Variants in CHRNA7 observed in about 807,000 individuals in gnomAD.
CHRNA7 encodes neuronal acetylcholine receptor subunit alpha-7.
In CHRNA7, 17 loss-of-function variants were observed where a neutral mutation model predicts 48.0. That is an observed-to-expected ratio of 0.35 (90% CI 0.24 to 0.53). The LOEUF (loss-of-function observed/expected upper bound fraction) is 0.53. Among genes scored for constraint, CHRNA7 ranks in the 20% least tolerant of loss-of-function variants. The pLI, the probability that CHRNA7 is intolerant of heterozygous loss-of-function variation, is 0.92. For synonymous variants in CHRNA7, 75 were observed against 242.3 expected (o/e 0.31, Z 6.41); for missense variants, 155 against 577.7 (o/e 0.27, Z 7.50).
intron 2 of CHRNA7, among the ~76,000 whole-genome samples, chr15:32,057,545 G>A (rs563019932): frequency 1.6e-4 from 24 of 151,954 alleles, no homozygotes; most frequent in Non-Finnish European, 3.4e-4. Context: ...AATATATTTC[G>A]GGTTTTGAAA....
At chr15:32,148,944 C>A (rs1030932513) in intron 4 of CHRNA7, among the ~76,000 whole-genome samples, 3 of 152,170 alleles carry the variant, frequency 2.0e-5, no homozygotes, top group Non-Finnish European at 2.9e-5. Flanking sequence ...CCTCCTCCTA[C>A]CCCCGCTAAG....
At chr15:32,101,928 C>G (rs1327822627) in intron 3 of CHRNA7, 1 of 152,032 alleles carries the variant, frequency 6.6e-6, no homozygotes, top group Non-Finnish European at 1.5e-5. Context: ...CAGTCAGTCT[C>G]TATTTTAAAT....
chr15:32,088,626 G>A (rs901455475), intron 2 of CHRNA7, among the ~76,000 whole-genome samples: 17 of 152,166 alleles, frequency 1.1e-4, no homozygotes, highest in South Asian at 6.2e-4. Context: ...TAGCCTATCC[G>A]ATAGGTATAT....
rs2051567997 is a variant in CHRNA7, at chr15:32,149,332, G to T, written c.351-4575G>T. ...CACAGGGCTGCCCAGCACTGGTGAG[G>T]GGGTCACTGTTGGCTGGCATCTGTC... On this transcript the variant is annotated intron_variant, in intron 4 of 9. Coordinates refer to ENST00000306901, the MANE Select transcript of CHRNA7 (RefSeq NM_000746.6). The surrounding 1 kb of genome is among the most constrained non-coding windows in gnomAD (Gnocchi z 4.6). 6.6e-6 allele frequency among the ~76,000 whole-genome samples: 1 copy of T among 152,150 alleles called. No homozygotes were observed. Among genetic ancestry groups the T allele is most frequent in the Admixed American group, 6.5e-5 (1 of 15,276 alleles).
intron 2 of CHRNA7, among the ~76,000 whole-genome samples, chr15:32,051,608 A>T (rs1566804733): frequency 6.6e-6 from 1 of 152,034 alleles, no homozygotes; most frequent in Non-Finnish European, 1.5e-5. Context: ...TTCCCGAGTG[A>T]GGCAATGCCT....
At chr15:32,044,329 G>A (rs1460842670) in intron 2 of CHRNA7, among the ~76,000 whole-genome samples, 2 of 149,012 alleles carry the variant, frequency 1.3e-5, no homozygotes, top group African/African-American at 4.9e-5. Flanking sequence ...CCAGGTTGGA[G>A]TGCAATGGCA....
intron 2 of CHRNA7, among the ~76,000 whole-genome samples, chr15:32,032,125 A>G (rs1206884961): frequency 6.6e-6 from 1 of 152,246 alleles, no homozygotes; most frequent in East Asian, 1.9e-4. Context: ...TAAAATTGCC[A>G]TCATACATTG....
chr15:32,053,847 G>T (rs1460055085), intron 2 of CHRNA7, among the ~76,000 whole-genome samples: 2 of 152,186 alleles, frequency 1.3e-5, no homozygotes, highest in South Asian at 2.1e-4. Flanking sequence ...CTGACTACTG[G>T]CTCTGCGTCA....
intron 2 of CHRNA7, among the ~76,000 whole-genome samples, chr15:32,050,800 A>G (rs901523290): frequency 7.2e-5 from 11 of 151,888 alleles, no homozygotes; most frequent in African/African-American, 2.4e-4. Flanking sequence ...GTCTTTGATG[A>G]TGGTGATGCA....
chr15:32,091,554 GGT>G (rs1193831968), intron 2 of CHRNA7, among the ~76,000 whole-genome samples: 7 of 152,108 alleles, frequency 4.6e-5, no homozygotes, highest in Non-Finnish European at 8.8e-5. Flanking sequence ...ACCCTGACCT[GGT>G]TCTCCACTTT....
chr15:32,132,843 G>A (rs543529235), intron 4 of CHRNA7, among the ~76,000 whole-genome samples: 1 of 152,298 alleles, frequency 6.6e-6, no homozygotes, highest in South Asian at 2.1e-4. Flanking sequence ...TGCTGTCATA[G>A]CAAGTGGCAT....
intron 2 of CHRNA7, among the ~76,000 whole-genome samples, chr15:32,057,092 T>C (rs1371710374): frequency 2.0e-5 from 3 of 152,184 alleles, no homozygotes; most frequent in Non-Finnish European, 2.9e-5. Context: ...CTGCCTGTGA[T>C]TGGCTGAAAT....
intron 3 of CHRNA7, 176 bp from the exon 4 acceptor site, chr15:32,111,614 A>G (rs952251018): frequency 1.8e-6 from 1 of 562,178 alleles, no homozygotes; most frequent in Non-Finnish European, 3.1e-6. Context: ...TATGCTCTTC[A>G]CAGTCATTTT....
At chr15:32,113,017 A>C (rs909803588) in intron 4 of CHRNA7, among the ~76,000 whole-genome samples, 11 of 152,038 alleles carry the variant, frequency 7.2e-5, no homozygotes, top group Admixed American at 7.2e-4. Context: ...AATGGATCAA[A>C]CATGTGCCTT....
chr15:32,085,866 A>C (rs2050287283), intron 2 of CHRNA7, among the ~76,000 whole-genome samples: 2 of 152,192 alleles, frequency 1.3e-5, no homozygotes, highest in Non-Finnish European at 2.9e-5. Context: ...ATGTTACTTC[A>C]TTGATTCCTG....
chr15:32,104,369 T>C (rs1196856471), intron 3 of CHRNA7, among the ~76,000 whole-genome samples: 1 of 152,038 alleles, frequency 6.6e-6, no homozygotes, highest in Non-Finnish European at 1.5e-5. Flanking sequence ...ACTGATCTCT[T>C]CCTAAAGGTC....
chr15:32,133,758 C>T (rs564177325), intron 4 of CHRNA7, among the ~76,000 whole-genome samples: 279 of 152,278 alleles, frequency 1.8e-3, no homozygotes, highest in African/African-American at 6.6e-3. Context: ...CAGGAAATTC[C>T]AGCACCAATT....
intron 4 of CHRNA7, among the ~76,000 whole-genome samples, chr15:32,134,089 TTCTC>T (rs145448079): frequency 0.018 from 2,796 of 152,122 alleles, 87 homozygotes; most frequent in African/African-American, 0.065. Flanking sequence ...CTCTGCCCCT[TTCTC>T]TCCTGCGTCC....
intron 2 of CHRNA7, among the ~76,000 whole-genome samples, chr15:32,069,764 T>C (rs759634904): frequency 1.2e-4 from 19 of 152,176 alleles, no homozygotes; most frequent in Admixed American, 2.0e-4. Flanking sequence ...GTCCAAACCT[T>C]CTTATATCTT....
Sources: gnomAD v4.1 joint callset for allele counts (sites outside exome capture counted in the v4.1 genomes callset) on GRCh38, gnomAD v4.1.1 for gene constraint, Gnocchi (gnomAD v3.1) non-coding constraint, MANE v1.5 for transcripts, NCBI Gene and HGNC (gene_info 2026-07-23, HGNC 2026-07-21) for gene names.